The following ERICH5 variants were observed in gnomAD, a reference collection of about 807,000 sequenced individuals.
The protein encoded by ERICH5 is glutamate-rich protein 5.
A neutral mutation model predicts 28.0 loss-of-function variants in ERICH5; 24 were observed. The ratio of observed to expected loss-of-function variants is 0.86; its 90% CI spans 0.62 to 1.21. The LOEUF is 1.21. ERICH5 is among the 50% of genes most tolerant of loss of function. The pLI is 0.00. For missense variants in ERICH5, 421 were observed against 441.2 expected, an observed-to-expected ratio of 0.95 and a Z score of 0.41; for synonymous variants, 163 against 157.6, an observed-to-expected ratio of 1.03 and a Z score of -0.25.
At chr8:98,071,205 A>T (rs1407355363) in intron 1 of ERICH5, among the ~76,000 whole-genome samples, 1 of 152,138 alleles carries the variant, frequency 6.6e-6, no homozygotes, top group Admixed American at 6.5e-5. Flanking sequence ...TGAACCTGGG[A>T]GGTGGAGGTT....
intron 1 of ERICH5, among the ~76,000 whole-genome samples, chr8:98,084,053 ATTT>A (rs11298792): frequency 1.0e-3 from 139 of 139,600 alleles, no homozygotes; most frequent in South Asian, 1.1e-3. Context: ...GCTAATTTTA[ATTT>A]TTTTTTTTTT....
chr8:98,088,414 C>T (rs905636947), intron 1 of ERICH5, among the ~76,000 whole-genome samples: 3 of 152,226 alleles, frequency 2.0e-5, no homozygotes, highest in Non-Finnish European at 2.9e-5. Flanking sequence ...GGAACAATGG[C>T]CAGAAGTAAA....
chr8:98,089,814 T>C lies in ERICH5; in HGVS notation c.797T>C (p.Val266Ala), dbSNP rs145439382. The change falls in exon 2 of 3, where the codon GTA (valine) becomes GCA (alanine). Residue 266 changes from valine (V) to alanine (A), a missense_variant. Physicochemically the swap from Val to Ala is moderately conservative, Grantham distance 64. Transcript: ENST00000318528. ...QLLERIPKEN[V>A]TPEVLDRSQL... is the part of the protein sequence containing the mutation. Reference sequence around the variant, plus strand: ...CTAGAAAGAATTCCCAAAGAGAATGTAACACCAGAAGTATTGGACAGAAGT... The same window carrying C: ...CTAGAAAGAATTCCCAAAGAGAATGCAACACCAGAAGTATTGGACAGAAGT... 41 of 1,614,146 alleles carry C rather than the reference T, an allele frequency of 2.5e-5. No individual in the cohort carries two copies. The highest frequency in any genetic ancestry group is 3.4e-5 in the Non-Finnish European group (40 of 1,180,008).
intron 1 of ERICH5, among the ~76,000 whole-genome samples, chr8:98,073,434 A>ATATATATATATATATATATG (rs1814962939): frequency 4.3e-5 from 1 of 23,402 alleles, no homozygotes; most frequent in East Asian, 4.1e-3. Flanking sequence ...CTCTCTCTCT[A>ATATATATATATATATATATG]TATATATATA....
At chr8:98,091,899 TCC>T (rs1491136304) in intron 2 of ERICH5, among the ~76,000 whole-genome samples, 1 of 55,094 alleles carries the variant, frequency 1.8e-5, no homozygotes, top group African/African-American at 8.5e-5. Flanking sequence ...TTTCTTTCTT[TCC>T]TTTCTTTCTT....
chr8:98,077,695 T>C (rs570624740), intron 1 of ERICH5, among the ~76,000 whole-genome samples: 1 of 152,232 alleles, frequency 6.6e-6, no homozygotes, highest in East Asian at 1.9e-4. Context: ...AGTACCTTTC[T>C]AATTACTAAT....
At chr8:98,079,860 T>A (rs1038669019) in intron 1 of ERICH5, among the ~76,000 whole-genome samples, 1 of 152,214 alleles carries the variant, frequency 6.6e-6, no homozygotes, top group Non-Finnish European at 1.5e-5. Flanking sequence ...TATTTATCAA[T>A]AATCATGTTT....
intron 1 of ERICH5, among the ~76,000 whole-genome samples, chr8:98,068,673 T>C (rs149175002): frequency 1.3e-5 from 2 of 152,354 alleles, no homozygotes; most frequent in Admixed American, 6.5e-5. Context: ...CCAGTGTTCC[T>C]AGCCCTCTGC....
intron 1 of ERICH5, among the ~76,000 whole-genome samples, chr8:98,067,030 A>G (rs556562011): frequency 6.6e-6 from 1 of 152,238 alleles, no homozygotes; most frequent in Non-Finnish European, 1.5e-5. Context: ...ACTTCATTTA[A>G]TCCTTATAAC....
intron 1 of ERICH5, among the ~76,000 whole-genome samples, chr8:98,083,916 C>T (rs1815225587): frequency 6.6e-6 from 1 of 152,190 alleles, no homozygotes; most frequent in Non-Finnish European, 1.5e-5. Context: ...GGGTCTCACT[C>T]CCTTGCCCAG....
intron 1 of ERICH5, among the ~76,000 whole-genome samples, chr8:98,076,198 C>T (rs1031230204): frequency 7.9e-5 from 12 of 152,144 alleles, no homozygotes; most frequent in South Asian, 2.1e-4. Flanking sequence ...GGATTTCAGG[C>T]GCCCGCCACC....
chr8:98,068,704 C>T (rs1216898455), intron 1 of ERICH5, among the ~76,000 whole-genome samples: 1 of 152,120 alleles, frequency 6.6e-6, no homozygotes, highest in Non-Finnish European at 1.5e-5. Context: ...AATCACTGCT[C>T]GAATCTTTCC....
intron 1 of ERICH5, among the ~76,000 whole-genome samples, chr8:98,084,002 T>C (rs1418517560): frequency 2.0e-5 from 3 of 151,444 alleles, no homozygotes; most frequent in Non-Finnish European, 4.4e-5. Context: ...CCCATCAGCC[T>C]TCTAAGTAAC....
In ERICH5 at chr8:98,089,848, G is replaced by A. The variant is rs1815350188; in HGVS notation, c.831G>A (p.Val277=). ...TPEVLDRSQL[V]EKPVMNDPFH... ...AAGTATTGGACAGAAGTCAGCTTGT[G>A]GAAAAGCCTGTTATGAATGATCCAT... The change falls in exon 2 of 3, where the codon GTG becomes GTA. Residue 277 remains valine, a synonymous_variant. Transcript: ENST00000318528. The A allele has an allele frequency of 6.2e-7, 1 of 1,614,048 alleles. No individual in the cohort carries two copies. Among genetic ancestry groups the A allele is most frequent in the Non-Finnish European group, 8.5e-7 (1 of 1,180,048 alleles).
At chr8:98,087,224 A>G (rs1351690641) in intron 1 of ERICH5, among the ~76,000 whole-genome samples, 2 of 152,174 alleles carry the variant, frequency 1.3e-5, no homozygotes, top group South Asian at 2.1e-4. Context: ...GTCCAAACTG[A>G]AAAATCCTGA....
chr8:98,077,047 C>G (rs2513830), intron 1 of ERICH5, among the ~76,000 whole-genome samples: 136,740 of 151,972 alleles, frequency 0.9, 61,764 homozygotes, highest in Non-Finnish European at 0.92. Flanking sequence ...AGGATCGCTT[C>G]AGGCCAGGAG....
intron 1 of ERICH5, among the ~76,000 whole-genome samples, chr8:98,068,437 G>A (rs1586196948): frequency 6.6e-6 from 1 of 152,270 alleles, no homozygotes; most frequent in East Asian, 1.9e-4. Flanking sequence ...TTTATGACGT[G>A]CCCTGAAATG....
At chr8:98,078,698 C>T (rs2130519721) in intron 1 of ERICH5, among the ~76,000 whole-genome samples, 1 of 152,186 alleles carries the variant, frequency 6.6e-6, no homozygotes, top group East Asian at 1.9e-4. Context: ...TCTGTTAGTT[C>T]AGCTGTCACA....
chr8:98,070,091 A>G (rs1201145512), intron 1 of ERICH5, among the ~76,000 whole-genome samples: 2 of 152,180 alleles, frequency 1.3e-5, no homozygotes, highest in Non-Finnish European at 2.9e-5. Context: ...AAGCCTACTT[A>G]CTAGATGGAT....
Sources: allele counts gnomAD v4.1 joint callset (sites outside exome capture counted in the v4.1 genomes callset), GRCh38; gene constraint gnomAD v4.1.1; transcripts MANE v1.5; gene names NCBI Gene and HGNC (gene_info 2026-07-23, HGNC 2026-07-21).